The following DENND4C variants were observed in gnomAD, a reference collection of about 807,000 sequenced individuals.
DENND4C encodes DENN domain containing 4C.
Under a neutral mutation model 203.0 loss-of-function variants are expected in DENND4C, and 108 were observed. The observed-to-expected ratio is 0.53, with a 90% CI of 0.46 to 0.62. The LOEUF (loss-of-function observed/expected upper bound fraction) is 0.62. Among genes scored for constraint, DENND4C ranks in the 20% least tolerant of loss-of-function variants. The pLI, the probability that DENND4C is intolerant of heterozygous loss-of-function variation, is 0.00. For synonymous variants in DENND4C, 871 were observed against 792.4 expected (o/e 1.10, Z -1.67); for missense variants, 2,481 against 2,301.2 (o/e 1.08, Z -1.60).
chr9:19,285,066 TTATTTTTTTCCAAATAA>T (rs1484839324), intron 2 of DENND4C, among the ~76,000 whole-genome samples: 2 of 152,180 alleles, frequency 1.3e-5, no homozygotes, highest in African/African-American at 2.4e-5. Context: ...AGACAGAATT[TTATTTTTTTCCAAATAA>T]TATTTTTTTC....
At chr9:19,271,186 A>G (rs1170511148) in intron 1 of DENND4C, among the ~76,000 whole-genome samples, 4 of 151,564 alleles carry the variant, frequency 2.6e-5, no homozygotes, top group African/African-American at 9.7e-5. Flanking sequence ...TTTTAGGTAA[A>G]AATTAATATG....
At chr9:19,241,589 A>G (rs1473797102) in intron 1 of DENND4C, among the ~76,000 whole-genome samples, 1 of 151,408 alleles carries the variant, frequency 6.6e-6, no homozygotes, top group Admixed American at 6.6e-5. Flanking sequence ...GGGCCCACAC[A>G]AGGTCAGGAT....
chr9:19,357,612 G>C, intron 27 of DENND4C: 1 of 213,894 alleles, frequency 4.7e-6, no homozygotes. Context: ...ATACTTGTCA[G>C]TGTCTTTATT....
At chr9:19,265,747 T>C (rs951853730) in intron 1 of DENND4C, among the ~76,000 whole-genome samples, 2 of 152,258 alleles carry the variant, frequency 1.3e-5, no homozygotes, top group African/African-American at 2.4e-5. Context: ...AATGATGGTT[T>C]CCAGCTTCAT....
At chr9:19,292,957 G>A (rs1275934742) in intron 5 of DENND4C, among the ~76,000 whole-genome samples, 1 of 152,088 alleles carries the variant, frequency 6.6e-6, no homozygotes, top group East Asian at 1.9e-4. Flanking sequence ...CATTCTACAG[G>A]TACAGGCTAC....
chr9:19,231,942 GTTCTGGATAAATACT>G (rs1820676426), intron 1 of DENND4C, among the ~76,000 whole-genome samples: 1 of 152,124 alleles, frequency 6.6e-6, no homozygotes, highest in Non-Finnish European at 1.5e-5. Flanking sequence ...AAGGCGCTAA[GTTCTGGATAAATACT>G]TGATTTGATG....
chr9:19,251,127 C>A (rs1241932615), intron 1 of DENND4C, among the ~76,000 whole-genome samples: 1 of 152,280 alleles, frequency 6.6e-6, no homozygotes, highest in African/African-American at 2.4e-5. Flanking sequence ...CAAATTTCTT[C>A]CTGCCCATCC....
intron 23 of DENND4C, among the ~76,000 whole-genome samples, chr9:19,349,503 ATCTTG>A (rs1387928087): frequency 6.6e-6 from 1 of 152,184 alleles, no homozygotes; most frequent in African/African-American, 2.4e-5. Context: ...GTCACTGTGG[ATCTTG>A]TCTTGTCTTT....
intron 1 of DENND4C, among the ~76,000 whole-genome samples, chr9:19,271,878 A>G (rs1217389379): frequency 6.6e-6 from 1 of 151,750 alleles, no homozygotes; most frequent in Non-Finnish European, 1.5e-5. Flanking sequence ...TCAAAAAAAA[A>G]AAAAAAAAGA....
At position 19,341,023 on chromosome 9, in the gene DENND4C, G is replaced by C. The variant is rs1357614046; in HGVS notation, c.2913G>C (p.Lys971Asn). Residue 971 changes from lysine to asparagine, a missense_variant, in exon 21 of 33, where the codon AAG becomes AAC. Physicochemically the swap from Lys to Asn is moderately conservative, Grantham distance 94. Coordinates refer to ENST00000434457, the MANE Select transcript of DENND4C (RefSeq NM_001330640.2). Reference protein sequence around the residue: ...GGQSDQGYGSKDELIKDDAEI... With the variant: ...GGQSDQGYGSNDELIKDDAEI... ...AGTCTGACCAAGGATACGGGTCTAAGGATGAACTTATAAAGGATGATGCAG... is the reference window on the plus strand; with the variant it reads ...AGTCTGACCAAGGATACGGGTCTAACGATGAACTTATAAAGGATGATGCAG... 6.2e-7 allele frequency: 1 copy of C among 1,612,980 alleles called. No homozygotes were observed. Among genetic ancestry groups the C allele is most frequent in the Non-Finnish European group, 8.5e-7 (1 of 1,179,508 alleles).
intron 1 of DENND4C, among the ~76,000 whole-genome samples, chr9:19,248,527 T>C (rs935449220): frequency 2.6e-5 from 4 of 151,962 alleles, no homozygotes; most frequent in African/African-American, 4.8e-5. Context: ...GTAGCTGGGA[T>C]TACAGGCATG....
intron 1 of DENND4C, among the ~76,000 whole-genome samples, chr9:19,267,506 G>A (rs1830744461): frequency 6.6e-6 from 1 of 151,988 alleles, no homozygotes; most frequent in Non-Finnish European, 1.5e-5. Context: ...TATAGGTGAA[G>A]TGTGTTTCTT....
At chr9:19,249,762 A>G (rs57990623) in intron 1 of DENND4C, among the ~76,000 whole-genome samples, 7,506 of 152,146 alleles carry the variant, frequency 0.049, 293 homozygotes, top group African/African-American at 0.11. Flanking sequence ...GGCTCAAACA[A>G]TCCTCTTGCC....
chr9:19,367,230 C>T (rs1345764367), intron 30 of DENND4C, among the ~76,000 whole-genome samples: 2 of 152,154 alleles, frequency 1.3e-5, no homozygotes, highest in African/African-American at 4.8e-5. Flanking sequence ...AACCCTCAGA[C>T]ACTGTCAGTT....
At chr9:19,316,148 CT>C (rs1841811229) in intron 10 of DENND4C, among the ~76,000 whole-genome samples, 1 of 152,064 alleles carries the variant, frequency 6.6e-6, no homozygotes, top group African/African-American at 2.4e-5. Context: ...TAAAATGTAA[CT>C]TTTGAATCTA....
At chr9:19,304,853 A>AT (rs1373235451) in intron 9 of DENND4C, among the ~76,000 whole-genome samples, 18 of 149,358 alleles carry the variant, frequency 1.2e-4, no homozygotes, top group South Asian at 8.4e-4. Context: ...CCGGCCATGA[A>AT]TTTTTTTTTG....
At chr9:19,336,654 A>C (rs1049520700) in intron 19 of DENND4C, 32 bp from the exon 20 acceptor site, 2 of 1,539,492 alleles carry the variant, frequency 1.3e-6, no homozygotes. Flanking sequence ...TCAATGCATG[A>C]GTTATTGAAC....
In DENND4C at chr9:19,336,332, A is replaced by G; in HGVS notation, c.2652A>G (p.Val884=). The part of the protein sequence containing the change: ...TRSGIFLWTK[V]RNVVRGLAQF... ...GTGGTATTTTCTTATGGACGAAGGT[A>G]CGGAATGTGGTACGTGGCTTGGCAC... The change falls in exon 19 of 33, where the codon GTA becomes GTG. Residue 884 remains valine, a synonymous_variant. Coordinates refer to ENST00000434457, the MANE Select transcript of DENND4C (RefSeq NM_001330640.2). The G allele has an allele frequency of 6.2e-7, 1 of 1,614,088 alleles. No individual in the cohort carries two copies. The highest frequency in any genetic ancestry group is 8.5e-7 in the Non-Finnish European group (1 of 1,179,994).
At chr9:19,371,959 G>T in intron 32 of DENND4C, 78 bp from the exon 33 acceptor site, 1 of 1,443,338 alleles carries the variant, frequency 6.9e-7, no homozygotes, top group South Asian at 1.3e-5. Context: ...CATATAATTT[G>T]ACTCAATACC....
Sources: allele counts gnomAD v4.1 joint callset (sites outside exome capture counted in the v4.1 genomes callset), GRCh38; gene constraint gnomAD v4.1.1; transcripts MANE v1.5; gene names NCBI Gene and HGNC (gene_info 2026-07-23, HGNC 2026-07-21).